ADGRV1: variants seen among roughly 807,000 people sequenced by gnomAD.
The protein encoded by ADGRV1 is adhesion G protein-coupled receptor V1.
In ADGRV1, 359 loss-of-function variants were observed where a neutral mutation model predicts 596.2. That is an observed-to-expected ratio of 0.60 (90% CI 0.55 to 0.66). The LOEUF is 0.66. Ranked by LOEUF, ADGRV1 falls within the 30% of genes least tolerant of loss-of-function variation. ADGRV1 has a pLI of 0.00. For missense variants in ADGRV1, 7,274 were observed against 7,575.6 expected (o/e 0.96, Z 1.48); for synonymous variants, 2,681 against 2,679.2 (o/e 1.00, Z -0.02).
At chr5:90,863,988 G>T in intron 83 of ADGRV1, 131 bp downstream of exon 83, 1 of 613,562 alleles carries the variant, frequency 1.6e-6, no homozygotes. Context: ...TTTTGCAGTG[G>T]AAGAGAATGG....
chr5:91,076,632 C>G (rs1788878590), intron 86 of ADGRV1, among the ~76,000 whole-genome samples: 1 of 152,060 alleles, frequency 6.6e-6, no homozygotes. Context: ...ACTTAATTCT[C>G]TGATCTGTTT....
intron 11 of ADGRV1, among the ~76,000 whole-genome samples, chr5:90,639,071 A>AACACAC (rs67813883): frequency 0.12 from 18,026 of 147,918 alleles, 1,288 homozygotes; most frequent in African/African-American, 0.19. Context: ...ACCAATTTAC[A>AACACAC]ACACACACAC....
Position 91,062,762 on chromosome 5 carries a change from C to T in ADGRV1, c.18153-9685C>T, listed in dbSNP as rs147289343. On this transcript the variant is annotated intron_variant, in intron 85 of 89. Coordinates refer to ENST00000405460, the MANE Select transcript of ADGRV1 (RefSeq NM_032119.4). ...GATCTCTGTTTTTCTATCCCTTTTG[C>T]TTTCAGCTGTTTTTCTTTCTTGCTG... is the stretch of plus-strand genomic sequence containing the variant. Among the ~76,000 whole-genome samples, 571 of 152,170 alleles carry T rather than the reference C, an allele frequency of 3.8e-3. 2 individuals carry two copies. Among genetic ancestry groups the T allele is most frequent in the African/African-American group, 0.013 (527 of 41,516 alleles).
chr5:91,118,296 A>T (rs759551464), intron 87 of ADGRV1, among the ~76,000 whole-genome samples: 2 of 151,804 alleles, frequency 1.3e-5, no homozygotes, highest in Non-Finnish European at 2.9e-5. Flanking sequence ...GCCTTGGGGG[A>T]GGGGGATGGT....
intron 69 of ADGRV1, 31 bp from the exon 70 acceptor site, chr5:90,790,842 A>C (rs780976231): frequency 4.9e-6 from 7 of 1,432,278 alleles, no homozygotes; most frequent in Non-Finnish European, 5.7e-6. Context: ...TGAATTATAT[A>C]ACTTTGTTGA....
At position 91,153,320 on chromosome 5, in the gene ADGRV1, G is replaced by GCCTCCA; in HGVS notation, c.18724_18725insCCTCCA (p.Gly6242delinsAlaSerArg). On this transcript the variant is annotated protein_altering_variant, in exon 89 of 90. Transcript: ENST00000405460. ...AAATGGAGCCACGTTCCCGTCCTCTGGAGGATATGGCCAGGGGTCACTGAT... is the reference window on the plus strand; with the variant it reads ...AAATGGAGCCACGTTCCCGTCCTCTGCCTCCAGAGGATATGGCCAGGGGTCACTGAT... 1.2e-6 allele frequency: 2 copies of GCCTCCA among 1,612,694 alleles called. No individual in the cohort carries two copies. Among genetic ancestry groups the GCCTCCA allele is most frequent in the South Asian group, 2.2e-5 (2 of 90,656 alleles).
intron 44 of ADGRV1, 93 bp from the exon 45 acceptor site, chr5:90,720,842 A>G (rs1003736423): frequency 1.7e-5 from 17 of 1,028,246 alleles, no homozygotes; most frequent in Admixed American, 2.7e-5. Context: ...AAATTTAAAA[A>G]TGTATTAAGT....
chr5:90,641,044 C>A (rs1471364879), intron 11 of ADGRV1, among the ~76,000 whole-genome samples: 1 of 152,176 alleles, frequency 6.6e-6, no homozygotes, highest in East Asian at 1.9e-4. Context: ...GGGGAGCTTA[C>A]ACAAAGTTGT....
intron 1 of ADGRV1, among the ~76,000 whole-genome samples, chr5:90,577,184 C>A (rs937228586): frequency 6.6e-6 from 1 of 152,054 alleles, no homozygotes; most frequent in Non-Finnish European, 1.5e-5. Flanking sequence ...AGTCATGAAG[C>A]CCTTGCCCAT....
rs557741556 is a variant in ADGRV1, at chr5:90,675,535, A to C, written c.5313+90A>C. ...AAGGGATATACACTGTACCTGGAAC[A>C]TAGTGACTCACGCCTGTAATCCTAG... On this transcript the variant is annotated intron_variant, in intron 24 of 89. Coordinates refer to ENST00000405460, the MANE Select transcript of ADGRV1 (RefSeq NM_032119.4). 51 of 1,243,112 alleles carry C rather than the reference A, an allele frequency of 4.1e-5. No individual in the cohort carries two copies. The East Asian group carries it at 8.6e-4, about 21-fold the overall frequency. The allele number at this position is 1,243,112 out of a possible 1,614,324, so 77.0% of individuals were successfully genotyped here.
chr5:90,994,904 A>G (rs1221599784), intron 85 of ADGRV1, among the ~76,000 whole-genome samples: 1 of 152,220 alleles, frequency 6.6e-6, no homozygotes, highest in African/African-American at 2.4e-5. Flanking sequence ...CTCTATGTGC[A>G]TGTTGGGGCA....
At position 90,778,048 on chromosome 5, in the gene ADGRV1, C is replaced by A; in HGVS notation, c.12666+5C>A. The A allele has an allele frequency of 6.4e-7, 1 of 1,556,846 alleles. No individual in the cohort carries two copies. Among genetic ancestry groups the A allele is most frequent in the South Asian group, 1.2e-5 (1 of 84,562 alleles). ...GCAGTCATTGTAGTAATACAGGTAT[C>A]AATATTAGCTGGTTTCTTTTATGCC... On this transcript the variant is annotated splice_donor_5th_base_variant and intron_variant, in intron 62 of 89. Transcript: ENST00000405460.
chr5:90,706,380 A>G lies in ADGRV1; in HGVS notation c.8716A>G (p.Ile2906Val), dbSNP rs758931260. 2.5e-6 allele frequency: 4 copies of G among 1,593,930 alleles called. No homozygotes were observed. The highest frequency in any genetic ancestry group is 3.5e-5 in the Admixed American group (2 of 56,840). Residue 2906 changes from isoleucine to valine, a missense_variant, in exon 38 of 90, where the codon ATT (isoleucine) becomes GTT (valine). Ile to Val is a conservative substitution (Grantham distance 29, BLOSUM62 3). Around this residue, in one of 5 missense-constraint regions of ADGRV1, gnomAD observed 3,643 missense variants for 3,809.2 expected, o/e 0.96. Coordinates refer to ENST00000405460, the MANE Select transcript of ADGRV1 (RefSeq NM_032119.4). ...AGGGGAAACAGCAGCAGCCATCAAC[A>G]TTACCATTCTTGAGGTAAAACTCTT... The part of the protein sequence containing the change: ...EEGETAAAIN[I>V]TILEDDVPEL...
intron 85 of ADGRV1, among the ~76,000 whole-genome samples, chr5:91,000,771 G>A (rs1167850175): frequency 6.6e-6 from 1 of 151,546 alleles, no homozygotes; most frequent in Admixed American, 6.6e-5. Flanking sequence ...AAGATCTGTA[G>A]GGTGAGTTGG....
At chr5:90,842,736 A>G (rs1448382404) in intron 78 of ADGRV1, among the ~76,000 whole-genome samples, 1 of 152,184 alleles carries the variant, frequency 6.6e-6, no homozygotes, top group Non-Finnish European at 1.5e-5. Flanking sequence ...AAATTGTAAA[A>G]TCAAGTAGAA....
chr5:90,941,864 G>T (rs987115895), intron 83 of ADGRV1, among the ~76,000 whole-genome samples: 1 of 152,152 alleles, frequency 6.6e-6, no homozygotes, highest in Non-Finnish European at 1.5e-5. Flanking sequence ...TAAATTTTCC[G>T]TGGTAATTGT....
chr5:90,918,670 A>G (rs1382551477), intron 83 of ADGRV1, among the ~76,000 whole-genome samples: 1 of 152,198 alleles, frequency 6.6e-6, no homozygotes, highest in Non-Finnish European at 1.5e-5. Context: ...TGGAGATTAA[A>G]TGAGATATCT....
intron 89 of ADGRV1, among the ~76,000 whole-genome samples, chr5:91,156,199 T>A (rs1046915468): frequency 6.6e-6 from 1 of 151,834 alleles, no homozygotes; most frequent in African/African-American, 2.4e-5. Flanking sequence ...TATTTGAAGC[T>A]ATGGAGATGA....
intron 83 of ADGRV1, among the ~76,000 whole-genome samples, chr5:90,882,610 C>T (rs1322301504): frequency 6.6e-6 from 1 of 152,210 alleles, no homozygotes; most frequent in Non-Finnish European, 1.5e-5. Flanking sequence ...CCTTTGTGCC[C>T]TGCAGGGCCT....
Sources: gnomAD v4.1 joint callset for allele counts (sites outside exome capture counted in the v4.1 genomes callset) on GRCh38, gnomAD v4.1.1 for gene constraint, gnomAD v4.1.1 regional missense constraint, MANE v1.5 for transcripts, NCBI Gene and HGNC (gene_info 2026-07-23, HGNC 2026-07-21) for gene names.